Variants in LINGO2 observed in about 807,000 individuals in gnomAD.
LINGO2 encodes the protein leucine-rich repeat and immunoglobulin-like domain-containing nogo receptor-interacting protein 2.
In LINGO2, 14 loss-of-function variants were observed where a neutral mutation model predicts 30.6. The ratio of observed to expected loss-of-function variants is 0.46; its 90% confidence interval spans 0.30 to 0.72. LINGO2 has a LOEUF of 0.72. Among genes scored for constraint, LINGO2 ranks in the 30% least tolerant of loss-of-function variants. The pLI, the probability that LINGO2 is intolerant of heterozygous loss-of-function variation, is 0.07. For synonymous variants in LINGO2, 317 were observed against 288.5 expected (o/e 1.10, Z -1.00); for missense variants, 729 against 751.7 (o/e 0.97, Z 0.35).
the LINGO2 span, among the ~76,000 whole-genome samples, chr9:28,700,218 G>C: frequency 2.7e-3 from 416 of 152,000 alleles, 3 homozygotes; most frequent in African/African-American, 9.6e-3. Context: ...TTCTCAGCCA[G>C]CTGACACTAA....
chr9:28,801,734 A>G, the LINGO2 span, among the ~76,000 whole-genome samples: 2 of 152,100 alleles, frequency 1.3e-5, no homozygotes, highest in Non-Finnish European at 1.5e-5. Context: ...AAAAACTGTG[A>G]TACACTGGAG....
chr9:28,683,208 G>A, the LINGO2 span, among the ~76,000 whole-genome samples: 1 of 151,836 alleles, frequency 6.6e-6, no homozygotes, highest in Non-Finnish European at 1.5e-5. Context: ...TGCTATTATT[G>A]ATTCTAAACA....
At chr9:28,198,470 C>A (rs1360047764) in intron 4 of LINGO2, among the ~76,000 whole-genome samples, 1 of 152,110 alleles carries the variant, frequency 6.6e-6, no homozygotes, top group African/African-American at 2.4e-5. Flanking sequence ...CATACTTTTG[C>A]TTTTCAATTT....
the LINGO2 span, among the ~76,000 whole-genome samples, chr9:28,837,649 A>AACATATATATAT: frequency 2.6e-5 from 2 of 75,794 alleles, no homozygotes; most frequent in Admixed American, 1.7e-4. Flanking sequence ...CTCCGTCTAA[A>AACATATATATAT]ATATATATAT....
At chr9:28,170,960 C>G (rs554989978) in intron 4 of LINGO2, among the ~76,000 whole-genome samples, 1 of 152,310 alleles carries the variant, frequency 6.6e-6, no homozygotes, top group South Asian at 2.1e-4. Context: ...AGGATATGGA[C>G]AACTTTGTTG....
the LINGO2 span, among the ~76,000 whole-genome samples, chr9:28,789,186 G>A: frequency 6.6e-6 from 1 of 152,160 alleles, no homozygotes; most frequent in Admixed American, 6.5e-5. Context: ...CATTGGGCAT[G>A]AGTAGAAATG....
intron 1 of LINGO2, among the ~76,000 whole-genome samples, chr9:28,501,816 C>A (rs1324870827): frequency 6.6e-6 from 1 of 151,976 alleles, no homozygotes; most frequent in African/African-American, 2.4e-5. Flanking sequence ...CATCGATTTA[C>A]AATGTAATTG....
At chr9:28,280,074 A>G (rs992463159) in intron 4 of LINGO2, among the ~76,000 whole-genome samples, 6 of 152,130 alleles carry the variant, frequency 3.9e-5, no homozygotes, top group African/African-American at 1.4e-4. Context: ...CTTCTGACTG[A>G]TTTTTTGAGA....
At chr9:28,788,165 T>G in the LINGO2 span, among the ~76,000 whole-genome samples, 1 of 152,182 alleles carries the variant, frequency 6.6e-6, no homozygotes. Context: ...ATTGAATTTT[T>G]CCATAATGCA....
At position 28,179,652 on chromosome 9, in the gene LINGO2, T is replaced by C. The variant is rs539197394; in HGVS notation, c.-87+115556A>G. On this transcript the variant is annotated intron_variant, in intron 4 of 5. Transcript: ENST00000379992. ...ATTTTATACTATATATACTGTAGTG[T>C]ATATATACTATATATAGTATTTTAT... 2.5e-3 allele frequency among the ~76,000 whole-genome samples: 326 copies of C among 130,274 alleles called. 2 individuals carry two copies. Among genetic ancestry groups the C allele is most frequent in the African/African-American group, 8.0e-3 (291 of 36,354 alleles). 85.5% of individuals were successfully genotyped at this position (130,274 alleles called of 152,430 possible).
chr9:28,669,768 A>G (rs1194199252), intron 1 of LINGO2, among the ~76,000 whole-genome samples: 1 of 151,968 alleles, frequency 6.6e-6, no homozygotes, highest in Non-Finnish European at 1.5e-5. Context: ...CTCCTATATA[A>G]ATTTAAATTT....
chr9:28,554,854 A>G (rs1417208244), intron 1 of LINGO2, among the ~76,000 whole-genome samples: 1 of 143,208 alleles, frequency 7.0e-6, no homozygotes, highest in East Asian at 2.0e-4. Context: ...ACTCAAAACC[A>G]CTCAACTACA....
chr9:28,943,371 G>GA, the LINGO2 span, among the ~76,000 whole-genome samples: 25 of 149,596 alleles, frequency 1.7e-4, no homozygotes, highest in South Asian at 1.1e-3. Context: ...TGCTACAGAT[G>GA]AAAAAAAAAA....
intron 2 of LINGO2, among the ~76,000 whole-genome samples, chr9:28,458,807 A>G (rs927060152): frequency 6.6e-6 from 1 of 152,152 alleles, no homozygotes; most frequent in African/African-American, 2.4e-5. Flanking sequence ...CCTGGCTACA[A>G]ATGTTAAACT....
At chr9:28,793,645 A>G in the LINGO2 span, among the ~76,000 whole-genome samples, 1 of 152,230 alleles carries the variant, frequency 6.6e-6, no homozygotes, top group Non-Finnish European at 1.5e-5. Flanking sequence ...TTATCCATTC[A>G]TTAGCCAAAG....
the LINGO2 span, among the ~76,000 whole-genome samples, chr9:28,957,446 CT>C: frequency 2.0e-4 from 30 of 152,078 alleles, no homozygotes; most frequent in African/African-American, 7.0e-4. Context: ...AGCATTAATG[CT>C]TTATTTTATG....
At chr9:28,390,105 A>G (rs941379639) in intron 2 of LINGO2, among the ~76,000 whole-genome samples, 2 of 152,140 alleles carry the variant, frequency 1.3e-5, no homozygotes, top group South Asian at 2.1e-4. Flanking sequence ...AATTCTTACA[A>G]TGCTTCATGA....
chr9:28,226,641 AGGAAAGAAAGAAAGAAAG>A (rs1821164547), intron 4 of LINGO2, among the ~76,000 whole-genome samples: 2 of 52,416 alleles, frequency 3.8e-5, no homozygotes, highest in South Asian at 9.3e-4. Context: ...GAAGGAAAGA[AGGAAAGAAAGAAAGAAAG>A]AAAGAAAGAA....
chr9:29,129,871 G>A, the LINGO2 span, among the ~76,000 whole-genome samples: 2 of 152,080 alleles, frequency 1.3e-5, no homozygotes, highest in South Asian at 2.1e-4. Context: ...AAAATAAAAT[G>A]ACTGGTTGTT....
Sources: gnomAD v4.1 joint callset for allele counts (sites outside exome capture counted in the v4.1 genomes callset) on GRCh38, gnomAD v4.1.1 for gene constraint, MANE v1.5 for transcripts, NCBI Gene and HGNC (gene_info 2026-07-23, HGNC 2026-07-21) for gene names.